The following JAM2 variants were observed in gnomAD, a reference collection of about 807,000 sequenced individuals.
JAM2 encodes the protein junctional adhesion molecule 2, also known as junctional adhesion molecule B.
JAM2 carries 17 observed loss-of-function variants against 42.0 expected under a neutral mutation model. The ratio of observed to expected loss-of-function variants is 0.40; its 90% confidence interval spans 0.28 to 0.61. The LOEUF is 0.61. Among genes scored for constraint, JAM2 ranks in the 20% least tolerant of loss-of-function variants. JAM2 has a pLI of 0.37. For synonymous variants in JAM2, 118 were observed against 128.6 expected (o/e 0.92, Z 0.56); for missense variants, 319 against 358.3 (o/e 0.89, Z 0.89).
chr21:25,655,644 C>G (rs191492981), intron 1 of JAM2, among the ~76,000 whole-genome samples: 58 of 130,728 alleles, frequency 4.4e-4, no homozygotes, highest in African/African-American at 1.7e-3. Context: ...CTACGCCCAG[C>G]TAATTTTTTT....
At chr21:25,684,343 TTATC>T (rs879349421) in intron 2 of JAM2, among the ~76,000 whole-genome samples, 24 of 152,204 alleles carry the variant, frequency 1.6e-4, no homozygotes, top group Admixed American at 1.1e-3. Flanking sequence ...TACCATGTTC[TTATC>T]TATTTTAGCT....
chr21:25,698,364 G>A (rs2034086411), intron 4 of JAM2, among the ~76,000 whole-genome samples: 1 of 152,188 alleles, frequency 6.6e-6, no homozygotes, highest in African/African-American at 2.4e-5. Flanking sequence ...ATGAACATGT[G>A]GGAGGTTTTT....
intron 2 of JAM2, among the ~76,000 whole-genome samples, chr21:25,686,681 C>A (rs2033758658): frequency 6.6e-6 from 1 of 152,176 alleles, no homozygotes. Context: ...AGTTTAATAG[C>A]AAGCATTTCT....
At chr21:25,695,637 CA>C (rs2033996341) in intron 4 of JAM2, among the ~76,000 whole-genome samples, 1 of 149,874 alleles carries the variant, frequency 6.7e-6, no homozygotes, top group Admixed American at 6.6e-5. Context: ...GGGGCGGCGG[CA>C]GGGCGGAGAT....
intron 4 of JAM2, among the ~76,000 whole-genome samples, chr21:25,695,327 CAGA>C (rs1039925342): frequency 2.0e-5 from 3 of 152,230 alleles, no homozygotes; most frequent in Admixed American, 2.0e-4. Flanking sequence ...CATCCCAAGG[CAGA>C]AGAATTTTTC....
chr21:25,679,206 A>T (rs994889879), intron 1 of JAM2, among the ~76,000 whole-genome samples: 5 of 152,256 alleles, frequency 3.3e-5, no homozygotes, highest in Admixed American at 6.5e-5. Flanking sequence ...ATGTTGATAT[A>T]TAGAGATGAA....
chr21:25,663,925 C>A (rs1344095372), intron 1 of JAM2, among the ~76,000 whole-genome samples: 3 of 152,162 alleles, frequency 2.0e-5, no homozygotes, highest in Non-Finnish European at 4.4e-5. Flanking sequence ...CTCTTGTATT[C>A]TTTGTTGCAG....
chr21:25,666,031 C>T (rs2033210953), intron 1 of JAM2, among the ~76,000 whole-genome samples: 1 of 152,028 alleles, frequency 6.6e-6, no homozygotes, highest in Admixed American at 6.6e-5. Context: ...TAGAGTGAGA[C>T]ACCATCTCAA....
chr21:25,680,395 GACT>G (rs2033601041), intron 1 of JAM2, among the ~76,000 whole-genome samples: 1 of 152,226 alleles, frequency 6.6e-6, no homozygotes, highest in South Asian at 2.1e-4. Flanking sequence ...TTTCATGGAT[GACT>G]CACAATTCTT....
At chr21:25,652,397 GAAAA>G (rs975675047) in intron 1 of JAM2, among the ~76,000 whole-genome samples, 1 of 147,444 alleles carries the variant, frequency 6.8e-6, no homozygotes, top group Non-Finnish European at 1.5e-5. Flanking sequence ...GTCTCTAAAA[GAAAA>G]AAAAAGAAAT....
chr21:25,683,550 T>C (rs1432605138), intron 1 of JAM2, among the ~76,000 whole-genome samples: 3 of 152,178 alleles, frequency 2.0e-5, no homozygotes, highest in African/African-American at 7.2e-5. Context: ...GGCAATACCG[T>C]GTGACACTAG....
intron 4 of JAM2, among the ~76,000 whole-genome samples, chr21:25,697,361 ACC>A (rs890530037): frequency 6.6e-6 from 1 of 152,212 alleles, no homozygotes; most frequent in Non-Finnish European, 1.5e-5. Flanking sequence ...GTGTATTTAT[ACC>A]AAGGACTGCA....
chr21:25,714,530 G>GT (rs1299477332), intron 9 of JAM2, 110 bp from the exon 10 acceptor site: 3 of 781,094 alleles, frequency 3.8e-6, no homozygotes, highest in Admixed American at 3.2e-5. Context: ...ATAAATACTG[G>GT]TTTTTACCTG....
chr21:25,676,179 T>C (rs2033487518), intron 1 of JAM2, among the ~76,000 whole-genome samples: 1 of 151,246 alleles, frequency 6.6e-6, no homozygotes, highest in South Asian at 2.1e-4. Flanking sequence ...TCCCAGCTAC[T>C]TGGGAGGCTG....
rs1424271592 is a variant in JAM2, at chr21:25,717,153, A to G, written c.*2481A>G. On this transcript the variant is annotated 3_prime_UTR_variant, in exon 10 of 10. Coordinates refer to ENST00000480456, the MANE Select transcript of JAM2 (RefSeq NM_021219.4). ...AATAGCTAGGTAAAAATCCTTGTAT[A>G]AAAGAATGTTTTCCCCCACACAAAG... 6.6e-6 allele frequency: 1 copy of G among 152,592 alleles called. No homozygotes were observed. The highest frequency in any genetic ancestry group is 6.5e-5 in the Admixed American group (1 of 15,296). 9.5% of individuals were successfully genotyped at this position (152,592 alleles called of 1,614,324 possible).
intron 9 of JAM2, among the ~76,000 whole-genome samples, chr21:25,712,907 G>A (rs2034412129): frequency 6.6e-6 from 1 of 152,190 alleles, no homozygotes; most frequent in Non-Finnish European, 1.5e-5. Context: ...CATACACTGG[G>A]TAATTTACAA....
Position 25,702,196 on chromosome 21 carries a change from C to A in JAM2, c.624C>A (p.Asp208Glu). The change falls in exon 6 of 10, where the codon GAC (aspartate) becomes GAA (glutamate). Residue 208 changes from aspartate (D) to glutamate (E), a missense_variant. Asp to Glu is a conservative substitution (Grantham distance 45). Coordinates refer to ENST00000480456, the MANE Select transcript of JAM2 (RefSeq NM_021219.4). ...AATTTAATACTGTTTCCAAACTGGA[C>A]ACTGGAGAATATTCCTGTGAAGCCC... ...TLQFNTVSKL[D>E]TGEYSCEARN... The A allele has an allele frequency of 1.3e-6, 2 of 1,588,072 alleles. No individual in the cohort carries two copies. The highest frequency in any genetic ancestry group is 1.7e-6 in the Non-Finnish European group (2 of 1,160,536).
chr21:25,687,812 A>G (rs2123375143), intron 2 of JAM2, among the ~76,000 whole-genome samples: 1 of 152,294 alleles, frequency 6.6e-6, no homozygotes, highest in Admixed American at 6.5e-5. Context: ...CCTTCTAAAT[A>G]AGGTGAACTC....
chr21:25,689,868 G>T lies in JAM2; in HGVS notation c.136G>T (p.Ala46Ser). Residue 46 changes from alanine (A) to serine (S), a missense_variant and splice_region_variant, in exon 3 of 10, where the codon GCT (alanine) becomes TCT (serine). Coordinates refer to ENST00000480456, the MANE Select transcript of JAM2 (RefSeq NM_021219.4). The stretch of plus-strand genomic sequence containing the variant: ...AGTATTTTTATTGTTGTTCCTAGAG[G>T]CTATTTTAGCCTGCAAAACCCCAAA... ...QVVTAVEYQE[A>S]ILACKTPKKT... 4 of 1,597,454 alleles carry T rather than the reference G, an allele frequency of 2.5e-6. No homozygotes were observed. The highest frequency in any genetic ancestry group is 3.4e-6 in the Non-Finnish European group (4 of 1,165,086).
Sources: gnomAD v4.1 joint callset for allele counts (sites outside exome capture counted in the v4.1 genomes callset) on GRCh38, gnomAD v4.1.1 for gene constraint, MANE v1.5 for transcripts, NCBI Gene and HGNC (gene_info 2026-07-23, HGNC 2026-07-21) for gene names.